The following SLC17A9 variants were observed in gnomAD, a reference collection of about 807,000 sequenced individuals.
SLC17A9 encodes voltage-gated purine nucleotide uniporter SLC17A9.
SLC17A9 carries 49 observed loss-of-function variants against 55.0 expected under a neutral mutation model. That is an observed-to-expected ratio of 0.89 (90% confidence interval 0.71 to 1.13). SLC17A9 has a LOEUF of 1.13. Ranked by LOEUF, SLC17A9 falls within the 50% of genes most tolerant of loss-of-function variation. The probability of loss-of-function intolerance (pLI) is 0.00; values close to 1 mark genes in which losing one functional copy is unlikely to be tolerated. For synonymous variants in SLC17A9, 256 were observed against 247.4 expected (o/e 1.03, Z -0.32); for missense variants, 526 against 569.3 (o/e 0.92, Z 0.77).
intron 12 of SLC17A9, chr20:62,967,002 C>A: frequency 1.7e-6 from 1 of 576,722 alleles, no homozygotes; most frequent in Non-Finnish European, 3.0e-6. Context: ...GGGACACCTC[C>A]TGGCCCCGCT....
Position 62,952,747 on chromosome 20 carries a change from G to A in SLC17A9, c.-84G>A, listed in dbSNP as rs937585415. On this transcript the variant is annotated 5_prime_UTR_variant, in exon 1 of 13. Coordinates refer to ENST00000370351, the MANE Select transcript of SLC17A9 (RefSeq NM_022082.4). ...CTGGGACTGACACGTGGACTTGGGC[G>A]GTGCTGCCCGGGTGGGTCAGCCTGG... is the stretch of plus-strand genomic sequence containing the variant. 40 of 1,378,658 alleles carry A rather than the reference G, an allele frequency of 2.9e-5. No individual in the cohort carries two copies. Among genetic ancestry groups the A allele is most frequent in the Admixed American group, 4.8e-5 (2 of 41,540 alleles). The allele number at this position is 1,378,658 out of a possible 1,614,324, so 85.4% of individuals were successfully genotyped here. A position where few individuals can be genotyped will look rare whatever the true frequency, so the allele number is the denominator to read the frequency against.
Position 62,962,067 on chromosome 20 carries a change from C to T in SLC17A9, c.498-557C>T, listed in dbSNP as rs1289224848. 6.6e-6 allele frequency among the ~76,000 whole-genome samples: 1 copy of T among 152,176 alleles called. No homozygotes were observed. Among genetic ancestry groups the T allele is most frequent in the East Asian group, 1.9e-4 (1 of 5,192 alleles). ...CCTCAGCAGCAGATGGGGGCTGGGC[C>T]GCCAGCCAGGTTGCACCCAGAAGGG... On this transcript the variant is annotated intron_variant, in intron 4 of 12. Coordinates refer to ENST00000370351, the MANE Select transcript of SLC17A9 (RefSeq NM_022082.4). This position sits in a 1 kb window ranked among gnomAD's most constrained non-coding sequence, Gnocchi z 5.5.
chr20:62,965,278 C>A, intron 9 of SLC17A9, 112 bp downstream of exon 9: 1 of 1,374,146 alleles, frequency 7.3e-7, no homozygotes, highest in Non-Finnish European at 1.0e-6. Flanking sequence ...CAGGCAAATG[C>A]CAGGCCTCTC....
chr20:62,964,030 C>T (rs1268847252), intron 7 of SLC17A9, 198 bp from the exon 8 acceptor site: 14 of 647,934 alleles, frequency 2.2e-5, no homozygotes, highest in South Asian at 3.6e-5. Flanking sequence ...GCGGTCAGCA[C>T]GGTTCCTTCT....
At chr20:62,957,400 C>T (rs770258614) in intron 2 of SLC17A9, 41 bp from the exon 3 acceptor site, 24 of 1,543,820 alleles carry the variant, frequency 1.6e-5, no homozygotes, top group African/African-American at 4.1e-5. Context: ...CCCCTTGGTC[C>T]TGCACAGCCA....
At chr20:62,964,387 T>C in intron 8 of SLC17A9, 72 bp downstream of exon 8, 1 of 1,454,032 alleles carries the variant, frequency 6.9e-7, no homozygotes, top group African/African-American at 1.4e-5. Context: ...GGCAGGATGC[T>C]CCCATCCTGG....
intron 4 of SLC17A9, 90 bp downstream of exon 4, chr20:62,960,693 A>G: frequency 3.1e-6 from 4 of 1,277,274 alleles, no homozygotes; most frequent in Non-Finnish European, 4.4e-6. Flanking sequence ...GATGGGCCAC[A>G]TGGGCTTGCA....
At chr20:62,964,702 C>T (rs2065619529) in intron 8 of SLC17A9, among the ~76,000 whole-genome samples, 1 of 152,264 alleles carries the variant, frequency 6.6e-6, no homozygotes, top group South Asian at 2.1e-4. Flanking sequence ...GTCCGCTGCA[C>T]AGACACGTAC....
chr20:62,965,783 G>C (rs115810937), intron 10 of SLC17A9, 58 bp downstream of exon 10: 2 of 1,507,008 alleles, frequency 1.3e-6, no homozygotes, highest in South Asian at 2.3e-5. Context: ...GCCGAGGCCC[G>C]CACATGTGAA....
intron 12 of SLC17A9, 21 bp from the exon 13 acceptor site, chr20:62,967,316 G>A (rs762303361): frequency 3.0e-5 from 49 of 1,613,006 alleles, no homozygotes; most frequent in Non-Finnish European, 3.8e-5. Context: ...CACTCAGCCC[G>A]CCTGGCCCTC....
rs2065657389 is a variant in SLC17A9 at position 62,968,217 on chromosome 20, C to T, written c.*717C>T. Reference sequence around the variant, plus strand: ...AGAGACCCTTGCCTGTGTCCGGGACCCTGGCGCCGCTCTCCCCTCCTGTGG... The same window carrying T: ...AGAGACCCTTGCCTGTGTCCGGGACTCTGGCGCCGCTCTCCCCTCCTGTGG... On this transcript the variant is annotated 3_prime_UTR_variant, in exon 13 of 13. Coordinates refer to ENST00000370351, the MANE Select transcript of SLC17A9 (RefSeq NM_022082.4). The T allele has an allele frequency of 1.3e-5, 2 of 152,406 alleles. No individual in the cohort carries two copies. Among genetic ancestry groups the T allele is most frequent in the African/African-American group, 4.8e-5 (2 of 41,450 alleles). The allele number at this position is 152,406 out of a possible 1,614,324, so 9.4% of individuals were successfully genotyped here. A position where few individuals can be genotyped will look rare whatever the true frequency, so the allele number is the denominator to read the frequency against.
In SLC17A9 at chr20:62,969,066, G is replaced by A. The variant is rs1290324138; in HGVS notation, c.*1566G>A. On this transcript the variant is annotated 3_prime_UTR_variant, in exon 13 of 13. Transcript: ENST00000370351. ...CTGGACTGCTGGACGCTGCTGTGGG[G>A]TCTTGGGGCAGGAGGGGCTTCCAGA... The A allele has an allele frequency of 6.6e-6, 1 of 152,262 alleles. No individual in the cohort carries two copies. Among genetic ancestry groups the A allele is most frequent in the East Asian group, 1.9e-4 (1 of 5,204 alleles). 9.4% of individuals were successfully genotyped at this position (152,262 alleles called of 1,614,324 possible).
intron 3 of SLC17A9, among the ~76,000 whole-genome samples, chr20:62,957,787 CTGTGTGTG>C (rs142003988): frequency 7.9e-6 from 1 of 125,970 alleles, no homozygotes; most frequent in Non-Finnish European, 1.7e-5. Flanking sequence ...ATGCGTGCAC[CTGTGTGTG>C]TGTGCGTGTG....
Position 62,952,740 on chromosome 20 carries a change from CT to C in SLC17A9, c.-89del. 1 of 1,341,670 alleles carries C rather than the reference CT, an allele frequency of 7.5e-7. No homozygotes were observed. Among genetic ancestry groups the C allele is most frequent in the Non-Finnish European group, 1.0e-6 (1 of 1,000,458 alleles). 83.1% of individuals were successfully genotyped at this position (1,341,670 alleles called of 1,614,324 possible). A position where few individuals can be genotyped will look rare whatever the true frequency, so the allele number is the denominator to read the frequency against. On this transcript the variant is annotated 5_prime_UTR_variant, in exon 1 of 13. Transcript: ENST00000370351. ...AAGCGCGCTGGGACTGACACGTGGA[CT>C]TGGGCGGTGCTGCCCGGGTGGGTCA...
intron 10 of SLC17A9, 86 bp downstream of exon 10, chr20:62,965,811 C>T: frequency 8.1e-7 from 1 of 1,231,510 alleles, no homozygotes; most frequent in Admixed American, 1.8e-5. Context: ...CTCTGTCCGC[C>T]TCTCTCAGTC....
Position 62,960,426 on chromosome 20 carries a change from C to T in SLC17A9, c.398-78C>T, listed in dbSNP as rs2065579418. 2.2e-6 allele frequency: 3 copies of T among 1,378,444 alleles called. No homozygotes were observed. The South Asian group carries it at 3.7e-5, about 17-fold the overall frequency. 85.4% of individuals were successfully genotyped at this position (1,378,444 alleles called of 1,614,324 possible). A position where few individuals can be genotyped will look rare whatever the true frequency, so the allele number is the denominator to read the frequency against. The stretch of plus-strand genomic sequence containing the variant: ...GACAGGTGGACGTCCTCTGGAATCA[C>T]AGCCCAAACCTGAGCAGATAGGCCG... On this transcript the variant is annotated intron_variant, in intron 3 of 12. Coordinates refer to ENST00000370351, the MANE Select transcript of SLC17A9 (RefSeq NM_022082.4).
rs200697108 is a variant in SLC17A9 at position 62,957,579 on chromosome 20, A to G, written c.396A>G (p.Gln132=). 76 of 1,543,536 alleles carry G rather than the reference A, an allele frequency of 4.9e-5. No homozygotes were observed. Among genetic ancestry groups the G allele is most frequent in the Non-Finnish European group, 6.3e-5 (72 of 1,146,448 alleles). ...TFSRILMGLL[Q]GVYFPALTSL... is the part of the protein sequence containing the mutation. Reference sequence around the variant, plus strand: ...CACGCATCCTCATGGGCTTGCTCCAAGGTAAGGGGAGCTCAGGCGGCTCCC... The same window carrying G: ...CACGCATCCTCATGGGCTTGCTCCAGGGTAAGGGGAGCTCAGGCGGCTCCC... Residue 132 remains glutamine (Q), a splice_region_variant and synonymous_variant, in exon 3 of 13, where the codon CAA becomes CAG. Coordinates refer to ENST00000370351, the MANE Select transcript of SLC17A9 (RefSeq NM_022082.4).
rs368420988 is a variant in SLC17A9, at chr20:62,956,768, C to T, written c.63C>T (p.Pro21=). ...CTGACCATCTCCTGTCCCACAGGCC[C>T]GAGTGCCAGGCATGGACGGGGACGC... ...DMAGDTQWSR[P]ECQAWTGTLL... Residue 21 remains proline (P), a synonymous_variant, in exon 2 of 13, where the codon CCC becomes CCT. Coordinates refer to ENST00000370351, the MANE Select transcript of SLC17A9 (RefSeq NM_022082.4). The T allele has an allele frequency of 6.8e-6, 11 of 1,610,882 alleles. No individual in the cohort carries two copies. The highest frequency in any genetic ancestry group is 5.0e-5 in the Admixed American group (3 of 59,890).
In SLC17A9 at chr20:62,956,242, A is replaced by C. The variant is rs867047828; in HGVS notation, c.60-523A>C. Among the ~76,000 whole-genome samples, 32 of 152,318 alleles carry C rather than the reference A, an allele frequency of 2.1e-4. No individual in the cohort carries two copies. The South Asian group carries it at 3.5e-3, about 17-fold the overall frequency. On this transcript the variant is annotated intron_variant, in intron 1 of 12. Coordinates refer to ENST00000370351, the MANE Select transcript of SLC17A9 (RefSeq NM_022082.4). Reference sequence around the variant, plus strand: ...GGGAAGCGTCTAGGCGCAGACTTGCAGAGAGTGCCGAGAAGGCCGTATACC... The same window carrying C: ...GGGAAGCGTCTAGGCGCAGACTTGCCGAGAGTGCCGAGAAGGCCGTATACC...
Sources: gnomAD v4.1 joint callset for allele counts (sites outside exome capture counted in the v4.1 genomes callset) on GRCh38, gnomAD v4.1.1 for gene constraint, Gnocchi (gnomAD v3.1) non-coding constraint, MANE v1.5 for transcripts, NCBI Gene and HGNC (gene_info 2026-07-23, HGNC 2026-07-21) for gene names.